Variants in LGR5 observed in about 807,000 individuals in gnomAD.
LGR5 encodes the protein leucine rich repeat containing G protein-coupled receptor 5, also known as leucine-rich repeat-containing G protein-coupled receptor 5.
In LGR5, 54 loss-of-function variants were observed where a neutral mutation model predicts 76.7. The ratio of observed to expected loss-of-function variants is 0.70; its 90% CI spans 0.57 to 0.88. The LOEUF is 0.88. Ranked by LOEUF, LGR5 falls within the 40% of genes least tolerant of loss-of-function variation. LGR5 has a pLI of 0.00. For missense variants in LGR5, 1,078 were observed against 1,073.3 expected, an observed-to-expected ratio of 1.00 and a Z score of -0.06; for synonymous variants, 406 against 421.9, an observed-to-expected ratio of 0.96 and a Z score of 0.46.
intron 16 of LGR5, among the ~76,000 whole-genome samples, chr12:71,580,994 C>T (rs1010837534): frequency 1.3e-5 from 2 of 152,034 alleles, no homozygotes; most frequent in African/African-American, 4.8e-5. Flanking sequence ...AATTAGATTC[C>T]CCCTTAGCAT....
intron 2 of LGR5, among the ~76,000 whole-genome samples, chr12:71,512,116 C>T (rs1339528741): frequency 6.6e-6 from 1 of 152,124 alleles, no homozygotes. Context: ...CTCAGCCTCC[C>T]AGGTAGCTGG....
At chr12:71,496,270 C>G (rs1444650431) in intron 1 of LGR5, among the ~76,000 whole-genome samples, 1 of 149,282 alleles carries the variant, frequency 6.7e-6, no homozygotes, top group African/African-American at 2.5e-5. Flanking sequence ...ACTCGGGAGG[C>G]TGAGGCAGAA....
intron 1 of LGR5, among the ~76,000 whole-genome samples, chr12:71,490,984 T>C (rs1234180143): frequency 6.6e-6 from 1 of 152,052 alleles, no homozygotes; most frequent in African/African-American, 2.4e-5. Flanking sequence ...TGGGAGGTAA[T>C]TGAATGATGG....
At chr12:71,503,269 G>C (rs1207938794) in intron 1 of LGR5, among the ~76,000 whole-genome samples, 2 of 152,036 alleles carry the variant, frequency 1.3e-5, no homozygotes, top group Non-Finnish European at 2.9e-5. Flanking sequence ...TCTAGACAAC[G>C]CCAGAAAAAT....
At position 71,584,567 on chromosome 12, in the gene LGR5, A is replaced by G; in HGVS notation, c.2557A>G (p.Asn853Asp). 1 of 1,614,114 alleles carries G rather than the reference A, an allele frequency of 6.2e-7. No individual in the cohort carries two copies. The highest frequency in any genetic ancestry group is 8.5e-7 in the Non-Finnish European group (1 of 1,180,030). The change falls in exon 18 of 18, where the codon AAC (asparagine) becomes GAC (aspartate). Residue 853 changes from asparagine to aspartate, a missense_variant. Coordinates refer to ENST00000266674, the MANE Select transcript of LGR5 (RefSeq NM_003667.4). ...AAAACACCCAAGCTTGATGTCAATT[A>G]ACTCTGATGATGTCGAAAAACAGTC... is the stretch of plus-strand genomic sequence containing the variant. ...RSKHPSLMSI[N>D]SDDVEKQSCD...
At chr12:71,537,829 C>T (rs547854594) in intron 4 of LGR5, among the ~76,000 whole-genome samples, 2 of 152,242 alleles carry the variant, frequency 1.3e-5, no homozygotes, top group South Asian at 2.1e-4. Flanking sequence ...AGGACTCTGC[C>T]TCATCCACAC....
intron 1 of LGR5, among the ~76,000 whole-genome samples, chr12:71,497,005 G>A (rs544856874): frequency 6.6e-6 from 1 of 152,010 alleles, no homozygotes; most frequent in Non-Finnish European, 1.5e-5. Context: ...AGTTAATGAG[G>A]TGTGTTCATA....
intron 8 of LGR5, among the ~76,000 whole-genome samples, chr12:71,562,886 A>G (rs1024789540): frequency 4.6e-5 from 7 of 152,210 alleles, no homozygotes; most frequent in Non-Finnish European, 7.3e-5. Flanking sequence ...AGGAGTCCCA[A>G]TTAGCCTTGA....
At chr12:71,462,011 C>A (rs1227356553) in intron 1 of LGR5, among the ~76,000 whole-genome samples, 1 of 152,130 alleles carries the variant, frequency 6.6e-6, no homozygotes, top group African/African-American at 2.4e-5. Flanking sequence ...GGTTAATAGA[C>A]CCTGTTATCT....
At chr12:71,504,243 CTT>C (rs145072993) in intron 1 of LGR5, among the ~76,000 whole-genome samples, 62 of 152,194 alleles carry the variant, frequency 4.1e-4, no homozygotes, top group African/African-American at 1.4e-3. Flanking sequence ...AGACATTTCT[CTT>C]TGTCACACAA....
chr12:71,478,753 G>T (rs942207903), intron 1 of LGR5, among the ~76,000 whole-genome samples: 5 of 152,078 alleles, frequency 3.3e-5, no homozygotes, highest in Non-Finnish European at 7.4e-5. Flanking sequence ...CAATTCAGGG[G>T]CTATCTTGTA....
At chr12:71,525,975 A>T (rs1434355801) in intron 3 of LGR5, among the ~76,000 whole-genome samples, 1 of 152,016 alleles carries the variant, frequency 6.6e-6, no homozygotes, top group Non-Finnish European at 1.5e-5. Context: ...GTGCATTACT[A>T]GAGAATGTTT....
At chr12:71,528,579 C>G (rs1876139039) in intron 3 of LGR5, among the ~76,000 whole-genome samples, 1 of 152,154 alleles carries the variant, frequency 6.6e-6, no homozygotes, top group Admixed American at 6.5e-5. Context: ...AAATAACTAT[C>G]ATTAAATTAC....
chr12:71,451,258 T>C (rs1872239865), intron 1 of LGR5, among the ~76,000 whole-genome samples: 1 of 152,216 alleles, frequency 6.6e-6, no homozygotes, highest in Non-Finnish European at 1.5e-5. Flanking sequence ...CCATCTTTGA[T>C]TGGACAAAAC....
intron 10 of LGR5, 56 bp downstream of exon 10, chr12:71,566,756 T>A: frequency 6.4e-7 from 1 of 1,561,082 alleles, no homozygotes; most frequent in Non-Finnish European, 8.8e-7. Flanking sequence ...CATTAGAGCT[T>A]GATCAGTCTT....
chr12:71,525,227 A>G (rs1012165562), intron 3 of LGR5, among the ~76,000 whole-genome samples: 2 of 152,146 alleles, frequency 1.3e-5, no homozygotes, highest in African/African-American at 4.8e-5. Flanking sequence ...TAACTTTGAT[A>G]TATTTCTGCT....
intron 14 of LGR5, among the ~76,000 whole-genome samples, chr12:71,578,295 G>A (rs1878945824): frequency 6.6e-6 from 1 of 152,134 alleles, no homozygotes; most frequent in Non-Finnish European, 1.5e-5. Context: ...GGTCTGAAGG[G>A]CTTCCATTTT....
At chr12:71,582,739 A>T (rs1271461264) in intron 17 of LGR5, among the ~76,000 whole-genome samples, 200 bp downstream of exon 17, 1 of 152,178 alleles carries the variant, frequency 6.6e-6, no homozygotes, top group East Asian at 1.9e-4. Flanking sequence ...TTGAGGTGGG[A>T]GGACTTTTGA....
intron 4 of LGR5, among the ~76,000 whole-genome samples, chr12:71,543,980 TC>T (rs1877012518): frequency 6.6e-6 from 1 of 152,222 alleles, no homozygotes; most frequent in Admixed American, 6.5e-5. Context: ...AAGTTATTGC[TC>T]ACATTACATT....
Sources: gnomAD v4.1 joint callset for allele counts (sites outside exome capture counted in the v4.1 genomes callset) on GRCh38, gnomAD v4.1.1 for gene constraint, MANE v1.5 for transcripts, NCBI Gene and HGNC (gene_info 2026-07-23, HGNC 2026-07-21) for gene names.